The following SEC13 variants were observed in gnomAD, a reference collection of about 807,000 sequenced individuals.
The protein encoded by SEC13 is SEC13 homolog, nuclear pore and COPII component.
SEC13 carries 25 observed loss-of-function variants against 49.2 expected under a neutral mutation model. The ratio of observed to expected loss-of-function variants is 0.51; its 90% confidence interval spans 0.37 to 0.71. The LOEUF (loss-of-function observed/expected upper bound fraction) is 0.71, where lower values mean the gene tolerates loss of function less well. Ranked by LOEUF, SEC13 falls within the 30% of genes least tolerant of loss-of-function variation. The pLI is 0.00. For missense variants in SEC13, 383 were observed against 417.6 expected, an observed-to-expected ratio of 0.92 and a Z score of 0.72; for synonymous variants, 148 against 163.9, an observed-to-expected ratio of 0.90 and a Z score of 0.74.
At chr3:10,309,100 G>T (rs1701085530) in intron 5 of SEC13, among the ~76,000 whole-genome samples, 1 of 151,700 alleles carries the variant, frequency 6.6e-6, no homozygotes, top group Admixed American at 6.6e-5. Context: ...ACCACGTCTG[G>T]CTAATTTTTG....
At chr3:10,319,253 A>G in intron 1 of SEC13, 1 of 1,611,778 alleles carries the variant, frequency 6.2e-7, no homozygotes, top group South Asian at 1.1e-5. Context: ...CAAGAGGTAC[A>G]CACCAAGTAA....
chr3:10,306,718 G>A (rs1700899348), intron 5 of SEC13, among the ~76,000 whole-genome samples: 1 of 152,186 alleles, frequency 6.6e-6, no homozygotes, highest in Non-Finnish European at 1.5e-5. Flanking sequence ...CTGTTCTCAT[G>A]ATAGTGAATA....
At chr3:10,304,652 GTCC>G (rs541164952) in intron 7 of SEC13, among the ~76,000 whole-genome samples, 149 of 152,310 alleles carry the variant, frequency 9.8e-4, no homozygotes, top group South Asian at 8.3e-3. Context: ...ACCCTTGGCC[GTCC>G]TTGCTGTCTG....
chr3:10,317,099 C>T (rs1701657070), intron 2 of SEC13, among the ~76,000 whole-genome samples: 1 of 151,834 alleles, frequency 6.6e-6, no homozygotes, highest in Non-Finnish European at 1.5e-5. Flanking sequence ...TCATCTAGTT[C>T]TCAAACCAAA....
chr3:10,317,992 C>A lies in SEC13; in HGVS notation c.48+58G>T, dbSNP rs1701711075. On this transcript the variant is annotated intron_variant, in intron 2 of 8. Coordinates refer to ENST00000350697, the MANE Select transcript of SEC13 (RefSeq NM_183352.3). ...GGTAATGAAAACCCCAAATTGCTTC[C>A]CTCCCACAAAAATGCCCATGTCCAC... 3 of 1,221,118 alleles carry A rather than the reference C, an allele frequency of 2.5e-6. No individual in the cohort carries two copies. In the Admixed American group the frequency reaches 5.3e-5, roughly 22 times the overall value. The allele number at this position is 1,221,118 out of a possible 1,614,324, so 75.6% of individuals were successfully genotyped here. A position where few individuals can be genotyped will look rare whatever the true frequency, so the allele number is the denominator to read the frequency against.
Position 10,308,171 on chromosome 3 carries a change from C to A in SEC13, c.451-2479G>T, listed in dbSNP as rs75423340. Reference sequence around the variant, plus strand: ...ATCCTGTAGGATCATCACATCACCTCAATCAAGATAAGGAACATGCCCATC... The same window carrying A: ...ATCCTGTAGGATCATCACATCACCTAAATCAAGATAAGGAACATGCCCATC... On this transcript the variant is annotated intron_variant, in intron 5 of 8. Transcript: ENST00000350697. Among the ~76,000 whole-genome samples the A allele has an allele frequency of 9.2e-3, 1,404 of 152,328 alleles. 13 individuals carry two copies. The highest frequency in any genetic ancestry group is 0.015 in the Admixed American group (228 of 15,296).
At chr3:10,307,067 A>T (rs1375341446) in intron 5 of SEC13, among the ~76,000 whole-genome samples, 3 of 151,502 alleles carry the variant, frequency 2.0e-5, no homozygotes, top group African/African-American at 7.3e-5. Context: ...TTTTTTTTAA[A>T]AATTGAGACA....
At chr3:10,318,500 G>A (rs1307722633) in intron 1 of SEC13, among the ~76,000 whole-genome samples, 1 of 151,870 alleles carries the variant, frequency 6.6e-6, no homozygotes, top group African/African-American at 2.4e-5. Flanking sequence ...GTCTGAGAGA[G>A]CCTGATGTGT....
At chr3:10,320,869 A>C in intron 1 of SEC13, 181 bp downstream of exon 1, 1 of 1,348,978 alleles carries the variant, frequency 7.4e-7, no homozygotes, top group Middle Eastern at 2.4e-4. Context: ...CCTCGGCCTC[A>C]CCTCTGGACT....
In SEC13 at chr3:10,305,107, T is replaced by C; in HGVS notation, c.634A>G (p.Ser212Gly). The change falls in exon 7 of 9, where the codon AGT becomes GGT. Residue 212 changes from serine to glycine, a missense_variant. Coordinates refer to ENST00000350697, the MANE Select transcript of SEC13 (RefSeq NM_183352.3). ...CAGGCCACATCTCGAACCCAGTCAC[T>C]GTGCGCTTCTAGCTTCTGCTCCTCC... ...WKEEQKLEAH[S>G]DWVRDVAWAP... The C allele has an allele frequency of 1.2e-6, 2 of 1,614,068 alleles. No individual in the cohort carries two copies. Among genetic ancestry groups the C allele is most frequent in the Non-Finnish European group, 1.7e-6 (2 of 1,179,988 alleles).
chr3:10,312,209 G>A, intron 4 of SEC13, 111 bp from the exon 5 acceptor site: 4 of 1,448,326 alleles, frequency 2.8e-6, no homozygotes, highest in Non-Finnish European at 2.7e-6. Flanking sequence ...AACTGTAGGA[G>A]TCACCGGGGG....
chr3:10,303,751 G>A (rs957415650), intron 8 of SEC13: 17 of 496,784 alleles, frequency 3.4e-5, no homozygotes, highest in Non-Finnish European at 5.9e-5. Flanking sequence ...AGGGTGATGG[G>A]CCTGACTGGC....
At chr3:10,301,539 T>TAAAA (rs1370629384) in intron 8 of SEC13, among the ~76,000 whole-genome samples, 165 bp from the exon 9 acceptor site, 1 of 152,128 alleles carries the variant, frequency 6.6e-6, no homozygotes, top group East Asian at 1.9e-4. Flanking sequence ...AGTCCAGGAA[T>TAAAA]AAAAACTCAC....
At chr3:10,307,562 G>A (rs1318945618) in intron 5 of SEC13, among the ~76,000 whole-genome samples, 3 of 152,144 alleles carry the variant, frequency 2.0e-5, no homozygotes, top group African/African-American at 4.8e-5. Context: ...CACATGGATG[G>A]CAGCAAAAAG....
intron 1 of SEC13, chr3:10,320,408 A>C: frequency 4.8e-6 from 2 of 412,474 alleles, no homozygotes; most frequent in Non-Finnish European, 6.5e-6. Context: ...GTGTGGAGTG[A>C]ATGTACACTG....
intron 8 of SEC13, 179 bp downstream of exon 8, chr3:10,303,847 T>G (rs538102754): frequency 1.5e-6 from 1 of 671,564 alleles, no homozygotes; most frequent in Non-Finnish European, 2.7e-6. Flanking sequence ...GGGGACGTGT[T>G]AATACTACCT....
At chr3:10,314,572 T>TC (rs1221352067) in intron 3 of SEC13, among the ~76,000 whole-genome samples, 2 of 151,950 alleles carry the variant, frequency 1.3e-5, no homozygotes, top group Non-Finnish European at 2.9e-5. Flanking sequence ...TGCATTTTTT[T>TC]CCCCCTGTCC....
chr3:10,314,868 G>T (rs776558457), intron 3 of SEC13: 23 of 155,890 alleles, frequency 1.5e-4, no homozygotes, highest in Non-Finnish European at 2.6e-4. Flanking sequence ...GACACTTTAG[G>T]TCATACTGGC....
At chr3:10,315,034 AG>A (rs1701516202) in intron 3 of SEC13, 2 of 316,660 alleles carry the variant, frequency 6.3e-6, no homozygotes, top group South Asian at 4.5e-5. Context: ...GAGCAGATGA[AG>A]GCTCTGAGAG....
Sources: allele counts gnomAD v4.1 joint callset (sites outside exome capture counted in the v4.1 genomes callset), GRCh38; gene constraint gnomAD v4.1.1; transcripts MANE v1.5; gene names NCBI Gene and HGNC (gene_info 2026-07-23, HGNC 2026-07-21).